The following CDH18 variants were observed in gnomAD, a reference collection of about 807,000 sequenced individuals.
CDH18 encodes cadherin-18.
CDH18 carries 31 observed loss-of-function variants against 67.9 expected under a neutral mutation model. The ratio of observed to expected loss-of-function variants is 0.46; its 90% CI spans 0.34 to 0.62. The LOEUF (loss-of-function observed/expected upper bound fraction) is 0.62, where lower values mean the gene tolerates loss of function less well. Among genes scored for constraint, CDH18 ranks in the 20% least tolerant of loss-of-function variants. The probability of loss-of-function intolerance (pLI) is 0.01; values close to 1 mark genes in which losing one functional copy is unlikely to be tolerated. For missense variants in CDH18, 890 were observed against 975.5 expected (o/e 0.91, Z 1.17); for synonymous variants, 362 against 347.2 (o/e 1.04, Z -0.48).
intron 1 of CDH18, among the ~76,000 whole-genome samples, chr5:20,481,403 A>G (rs545475787): frequency 6.6e-6 from 1 of 152,238 alleles, no homozygotes; most frequent in African/African-American, 2.4e-5. Flanking sequence ...AATAGGATTG[A>G]CCATCCAGAC....
At chr5:20,108,252 T>C (rs6878819) in intron 2 of CDH18, among the ~76,000 whole-genome samples, 47,988 of 151,548 alleles carry the variant, frequency 0.32, 8,355 homozygotes, top group Admixed American at 0.38. Flanking sequence ...GCTAATTTTA[T>C]TTTATTTTTT....
chr5:20,214,575 T>C (rs1340148100), intron 2 of CDH18, among the ~76,000 whole-genome samples: 1 of 151,882 alleles, frequency 6.6e-6, no homozygotes, highest in African/African-American at 2.4e-5. Flanking sequence ...TGACCAAAGC[T>C]GACAAAGCAA....
At chr5:20,128,092 A>T (rs1298330361) in intron 2 of CDH18, among the ~76,000 whole-genome samples, 2 of 152,004 alleles carry the variant, frequency 1.3e-5, no homozygotes, top group Non-Finnish European at 2.9e-5. Context: ...TCCCTAGGAC[A>T]TTTCAGTATC....
intron 2 of CDH18, among the ~76,000 whole-genome samples, chr5:20,097,197 TC>T (rs1746061909): frequency 6.6e-6 from 1 of 152,128 alleles, no homozygotes; most frequent in African/African-American, 2.4e-5. Context: ...CACTAGCTCA[TC>T]CCCAGTTCCA....
chr5:19,636,473 T>C (rs148377630), intron 5 of CDH18, among the ~76,000 whole-genome samples: 2 of 152,146 alleles, frequency 1.3e-5, no homozygotes, highest in African/African-American at 2.4e-5. Flanking sequence ...TTTGTAAATA[T>C]TCAGTTCATA....
intron 8 of CDH18, among the ~76,000 whole-genome samples, chr5:19,560,928 C>G (rs1419931612): frequency 6.6e-6 from 1 of 152,080 alleles, no homozygotes; most frequent in Non-Finnish European, 1.5e-5. Flanking sequence ...CACGAATTAT[C>G]AGGGAACTGC....
At chr5:20,179,718 CT>C (rs1312275376) in intron 2 of CDH18, among the ~76,000 whole-genome samples, 1 of 152,112 alleles carries the variant, frequency 6.6e-6, no homozygotes, top group Non-Finnish European at 1.5e-5. Context: ...ATCTCACAAA[CT>C]TTGGAGATTT....
chr5:19,964,980 T>G (rs185251873), intron 2 of CDH18, among the ~76,000 whole-genome samples: 2 of 152,220 alleles, frequency 1.3e-5, no homozygotes, highest in East Asian at 1.9e-4. Context: ...TATTATCAGG[T>G]GCAAAATTTG....
intron 12 of CDH18, among the ~76,000 whole-genome samples, chr5:19,476,530 A>C (rs1738501826): frequency 6.6e-6 from 1 of 152,092 alleles, no homozygotes; most frequent in Admixed American, 6.6e-5. Flanking sequence ...ACAGTTTTCT[A>C]ATTCAAAGCT....
rs549661203 is a variant in CDH18, at chr5:19,799,480, CATAA to C, written c.228+39275_228+39278del. Among the ~76,000 whole-genome samples, 177 of 150,586 alleles carry C rather than the reference CATAA, an allele frequency of 1.2e-3. 2 individuals are homozygous for C. Among genetic ancestry groups the C allele is most frequent in the Middle Eastern group, 6.8e-3 (2 of 292 alleles). Reference sequence around the variant, plus strand: ...CACACACACACACACACACCACATACATAAGGAAAATTTTGAGGGTGATGAATGT... The same window carrying C: ...CACACACACACACACACACCACATACGGAAAATTTTGAGGGTGATGAATGT... On this transcript the variant is annotated intron_variant, in intron 3 of 12. Transcript: ENST00000382275.
At chr5:20,052,762 C>T (rs1341723865) in intron 2 of CDH18, among the ~76,000 whole-genome samples, 3 of 152,012 alleles carry the variant, frequency 2.0e-5, no homozygotes, top group African/African-American at 7.2e-5. Context: ...AAAAGTTTCC[C>T]ATCACCTATG....
rs186077927 is a variant in CDH18 at position 19,628,289 on chromosome 5, A to C, written c.644-15688T>G. Among the ~76,000 whole-genome samples, 300 of 152,238 alleles carry C rather than the reference A, an allele frequency of 2.0e-3. 1 individual carries two copies. In the Middle Eastern group the frequency reaches 0.024, roughly 12 times the overall value. On this transcript the variant is annotated intron_variant, in intron 5 of 12. Coordinates refer to ENST00000382275, the MANE Select transcript of CDH18 (RefSeq NM_004934.5). ...GCCACGTGAAACTGTGAGTCCATTA[A>C]GTCTCTTATTCTTTATAAATTGCAC...
chr5:20,553,119 A>C (rs530744947), intron 1 of CDH18, among the ~76,000 whole-genome samples: 7 of 152,226 alleles, frequency 4.6e-5, no homozygotes, highest in Non-Finnish European at 1.0e-4. Context: ...TTAATTGTTA[A>C]TATATTTTTA....
At chr5:19,815,918 T>A (rs917324778) in intron 3 of CDH18, among the ~76,000 whole-genome samples, 2 of 151,878 alleles carry the variant, frequency 1.3e-5, no homozygotes, top group African/African-American at 2.4e-5. Context: ...GGTAAACAGA[T>A]GAGTGAGTGG....
At chr5:19,656,417 C>T (rs957281506) in intron 5 of CDH18, among the ~76,000 whole-genome samples, 4 of 151,836 alleles carry the variant, frequency 2.6e-5, no homozygotes, top group Non-Finnish European at 5.9e-5. Context: ...ATTAAAACTA[C>T]CATAGGTGGA....
At chr5:19,635,891 A>T (rs949548921) in intron 5 of CDH18, among the ~76,000 whole-genome samples, 4 of 152,172 alleles carry the variant, frequency 2.6e-5, no homozygotes, top group African/African-American at 9.6e-5. Context: ...TGGCAGAAGA[A>T]AAAGGAGACA....
intron 3 of CDH18, among the ~76,000 whole-genome samples, chr5:19,766,543 TTG>T (rs1370851683): frequency 6.6e-6 from 1 of 152,140 alleles, no homozygotes; most frequent in African/African-American, 2.4e-5. Context: ...TTCACCCTGC[TTG>T]TCAATGTGTT....
At chr5:19,600,152 G>C (rs1032262568) in intron 6 of CDH18, among the ~76,000 whole-genome samples, 1 of 143,622 alleles carries the variant, frequency 7.0e-6, no homozygotes, top group Non-Finnish European at 1.5e-5. Flanking sequence ...ATTAAACTAT[G>C]AGAACACTTG....
intron 1 of CDH18, among the ~76,000 whole-genome samples, chr5:20,548,494 A>G (rs1757463661): frequency 6.6e-6 from 1 of 150,862 alleles, no homozygotes; most frequent in South Asian, 2.1e-4. Context: ...TATTATGTTT[A>G]ATTTTTTTAA....
Sources: gnomAD v4.1 joint callset for allele counts (sites outside exome capture counted in the v4.1 genomes callset) on GRCh38, gnomAD v4.1.1 for gene constraint, MANE v1.5 for transcripts, NCBI Gene and HGNC (gene_info 2026-07-23, HGNC 2026-07-21) for gene names.